The following AAK1 variants were observed in gnomAD, a reference collection of about 807,000 sequenced individuals.
AAK1 encodes the protein AP2 associated kinase 1, also known as AP2-associated protein kinase 1.
In AAK1, 37 loss-of-function variants were observed where a neutral mutation model predicts 116.0. The ratio of observed to expected loss-of-function variants is 0.32; its 90% CI spans 0.25 to 0.42. The LOEUF (loss-of-function observed/expected upper bound fraction) is 0.42. Ranked by LOEUF, AAK1 falls within the 10% of genes least tolerant of loss-of-function variation. AAK1 has a pLI of 1.00. For synonymous variants in AAK1, 458 were observed against 439.9 expected, an observed-to-expected ratio of 1.04 and a Z score of -0.51; for missense variants, 919 against 1,170.6, an observed-to-expected ratio of 0.79 and a Z score of 3.14.
At chr2:69,519,746 G>C (rs1669679353) in intron 11 of AAK1, among the ~76,000 whole-genome samples, 1 of 152,304 alleles carries the variant, frequency 6.6e-6, no homozygotes, top group South Asian at 2.1e-4. Context: ...ATGAAACAAA[G>C]CTTACTTATT....
chr2:69,642,933 T>A lies in AAK1; in HGVS notation c.108A>T (p.Gly36=). ...STSGLGSGYI[G]RVFGIGRQQV... is the part of the protein sequence containing the mutation. ...GCTGTCGCCCGATGCCGAAGACTCTTCCGATGTAGCCACTGCCCAGGCCCG... is the reference window on the plus strand; with the variant it reads ...GCTGTCGCCCGATGCCGAAGACTCTACCGATGTAGCCACTGCCCAGGCCCG... Residue 36 remains glycine (G), a synonymous_variant, in exon 2 of 22, where the codon GGA becomes GGT. Coordinates refer to ENST00000409085, the MANE Select transcript of AAK1 (RefSeq NM_014911.5). The A allele has an allele frequency of 6.2e-7, 1 of 1,613,844 alleles. No individual in the cohort carries two copies. The highest frequency in any genetic ancestry group is 1.1e-5 in the South Asian group (1 of 91,074).
At chr2:69,543,533 G>A (rs755126668) in intron 4 of AAK1, among the ~76,000 whole-genome samples, 36 of 151,958 alleles carry the variant, frequency 2.4e-4, no homozygotes, top group Admixed American at 3.9e-4. Context: ...TCAGCCTCCC[G>A]AGTAGCTGGG....
At chr2:69,587,453 A>ATG (rs1267675109) in intron 2 of AAK1, among the ~76,000 whole-genome samples, 9 of 146,478 alleles carry the variant, frequency 6.1e-5, no homozygotes, top group East Asian at 2.0e-4. Flanking sequence ...ATATGTATAT[A>ATG]TGTGTGTGTA....
At chr2:69,606,836 C>T (rs999702316) in intron 2 of AAK1, among the ~76,000 whole-genome samples, 8 of 151,994 alleles carry the variant, frequency 5.3e-5, no homozygotes, top group African/African-American at 1.9e-4. Context: ...GAGACCTAAG[C>T]GGGAGGACTG....
chr2:69,502,855 G>A (rs1324065918), intron 16 of AAK1, among the ~76,000 whole-genome samples: 1 of 152,024 alleles, frequency 6.6e-6, no homozygotes, highest in African/African-American at 2.4e-5. Context: ...AAACTGTAAA[G>A]GATATAAACA....
intron 2 of AAK1, among the ~76,000 whole-genome samples, chr2:69,604,666 C>T (rs1354612229): frequency 6.6e-6 from 1 of 152,180 alleles, no homozygotes; most frequent in African/African-American, 2.4e-5. Flanking sequence ...CAGGCTGAGG[C>T]AGAGACTTTA....
chr2:69,536,157 C>G (rs973906714), intron 5 of AAK1, among the ~76,000 whole-genome samples: 2 of 152,180 alleles, frequency 1.3e-5, no homozygotes, highest in Non-Finnish European at 2.9e-5. Flanking sequence ...ACCCACCGTG[C>G]TGATGTGCAT....
At chr2:69,587,121 G>A (rs1435196028) in intron 2 of AAK1, among the ~76,000 whole-genome samples, 1 of 147,376 alleles carries the variant, frequency 6.8e-6, no homozygotes, top group Non-Finnish European at 1.5e-5. Context: ...GTCTTGTTCT[G>A]TTGCCCAGGC....
chr2:69,593,902 C>T (rs1039326115), intron 2 of AAK1, among the ~76,000 whole-genome samples: 1 of 152,256 alleles, frequency 6.6e-6, no homozygotes, highest in African/African-American at 2.4e-5. Flanking sequence ...AACTCCTCTG[C>T]CAGCTTTAAC....
At chr2:69,591,609 C>A (rs1673037228) in intron 2 of AAK1, among the ~76,000 whole-genome samples, 1 of 149,724 alleles carries the variant, frequency 6.7e-6, no homozygotes, top group Admixed American at 6.7e-5. Flanking sequence ...CAACCTCTGC[C>A]TCCCAGGCTG....
chr2:69,542,855 GTCTCC>G (rs1280397154), intron 4 of AAK1, among the ~76,000 whole-genome samples, 190 bp from the exon 5 acceptor site: 1 of 152,120 alleles, frequency 6.6e-6, no homozygotes, highest in Non-Finnish European at 1.5e-5. Context: ...ATAATTCAGT[GTCTCC>G]TCTAATGCAT....
At chr2:69,506,067 G>C (rs1285838498) in intron 15 of AAK1, among the ~76,000 whole-genome samples, 2 of 152,142 alleles carry the variant, frequency 1.3e-5, no homozygotes, top group Non-Finnish European at 2.9e-5. Flanking sequence ...AGCAGTTTAG[G>C]AGAGCAAATG....
Position 69,473,431 on chromosome 2 carries a change from G to A in AAK1, c.*2438C>T. The A allele has an allele frequency of 3.0e-6, 3 of 985,370 alleles. No homozygotes were observed. The highest frequency in any genetic ancestry group is 3.6e-6 in the Non-Finnish European group (3 of 829,922). 61.0% of individuals were successfully genotyped at this position (985,370 alleles called of 1,614,324 possible). A position where few individuals can be genotyped will look rare whatever the true frequency, so the allele number is the denominator to read the frequency against. On this transcript the variant is annotated 3_prime_UTR_variant, in exon 22 of 22. Transcript: ENST00000409085. ...TCCGTTTACCAAAGCACTCATATGT[G>A]TTCCTTAACAGAAAAATAGTTCTCC...
In AAK1 at chr2:69,460,444, T is replaced by C. The variant is rs1674311549; in HGVS notation, c.*15425A>G. The C allele has an allele frequency of 6.6e-6, 1 of 152,616 alleles. No homozygotes were observed. The highest frequency in any genetic ancestry group is 2.4e-5 in the African/African-American group (1 of 41,444). The allele number at this position is 152,616 out of a possible 1,614,324, so 9.5% of individuals were successfully genotyped here. ...TGATTATAATCTGCTACTTTGATTA[T>C]GCATCAGTGAAATGTCCACCAAGCA... On this transcript the variant is annotated 3_prime_UTR_variant, in exon 22 of 22. Coordinates refer to ENST00000409085, the MANE Select transcript of AAK1 (RefSeq NM_014911.5).
intron 21 of AAK1, among the ~76,000 whole-genome samples, chr2:69,476,674 ACTT>A (rs1674869860): frequency 6.6e-6 from 1 of 152,164 alleles, no homozygotes; most frequent in South Asian, 2.1e-4. Context: ...ACTGTTAAAG[ACTT>A]CTCTCTAAAT....
At chr2:69,493,138 G>A (rs553495822) in intron 17 of AAK1, among the ~76,000 whole-genome samples, 682 of 60,324 alleles carry the variant, frequency 0.011, 4 homozygotes, top group Non-Finnish European at 0.018. Context: ...CAGCCTGGGC[G>A]ACAGAGCGAG....
intron 16 of AAK1, among the ~76,000 whole-genome samples, chr2:69,497,844 G>A (rs1200471778): frequency 1.3e-5 from 2 of 152,258 alleles, no homozygotes; most frequent in East Asian, 3.9e-4. Flanking sequence ...TGTAGCCTGA[G>A]ATCACCGACT....
At chr2:69,561,011 T>C (rs1671610823) in intron 2 of AAK1, among the ~76,000 whole-genome samples, 1 of 152,208 alleles carries the variant, frequency 6.6e-6, no homozygotes, top group Non-Finnish European at 1.5e-5. Context: ...CCTGGTTTTG[T>C]CGGATCTGCT....
At chr2:69,527,981 T>C (rs1287103161) in intron 8 of AAK1, among the ~76,000 whole-genome samples, 1 of 152,140 alleles carries the variant, frequency 6.6e-6, no homozygotes. Context: ...AATAATAAAG[T>C]GAATGCTCTG....
Sources: gnomAD v4.1 joint callset for allele counts (sites outside exome capture counted in the v4.1 genomes callset) on GRCh38, gnomAD v4.1.1 for gene constraint, MANE v1.5 for transcripts, NCBI Gene and HGNC (gene_info 2026-07-23, HGNC 2026-07-21) for gene names.